Variants in GAS2 observed in about 807,000 individuals in gnomAD.
The protein encoded by GAS2 is growth arrest specific 2.
Under a neutral mutation model 37.5 loss-of-function variants are expected in GAS2, and 20 were observed. The ratio of observed to expected loss-of-function variants is 0.53; its 90% CI spans 0.37 to 0.77. The LOEUF (loss-of-function observed/expected upper bound fraction) is 0.77, where lower values mean the gene tolerates loss of function less well. GAS2 is among the 30% of genes least tolerant of loss of function. GAS2 has a pLI of 0.00. For synonymous variants in GAS2, 144 were observed against 132.2 expected (o/e 1.09, Z -0.61); for missense variants, 336 against 373.4 (o/e 0.90, Z 0.82).
At chr11:22,675,344 T>C (rs2279240) in intron 2 of GAS2, among the ~76,000 whole-genome samples, 94,997 of 152,016 alleles carry the variant, frequency 0.62, 30,887 homozygotes, top group East Asian at 0.83. Context: ...CTTTTGACAT[T>C]GTACACAGGC....
chr11:22,667,570 C>T (rs1290824019), intron 1 of GAS2, among the ~76,000 whole-genome samples: 1 of 152,122 alleles, frequency 6.6e-6, no homozygotes, highest in East Asian at 1.9e-4. Context: ...AAAGTTGAGA[C>T]TGGAATCTGA....
chr11:22,675,300 T>A (rs2133890323), intron 2 of GAS2, among the ~76,000 whole-genome samples: 1 of 152,314 alleles, frequency 6.6e-6, no homozygotes, highest in East Asian at 1.9e-4. Flanking sequence ...TATTTTTGGC[T>A]TTTCTTTCAT....
At chr11:22,695,038 G>A (rs980866818) in intron 3 of GAS2, among the ~76,000 whole-genome samples, 6 of 152,236 alleles carry the variant, frequency 3.9e-5, no homozygotes, top group African/African-American at 9.6e-5. Context: ...GTGTGGGTTC[G>A]GCTGGGTGCG....
At chr11:22,627,456 AG>A (rs1858678231) in intron 1 of GAS2, among the ~76,000 whole-genome samples, 2 of 152,264 alleles carry the variant, frequency 1.3e-5, no homozygotes, top group African/African-American at 4.8e-5. Flanking sequence ...GGGGATAGGA[AG>A]GTCTCTTTAA....
At chr11:22,776,809 T>C (rs752483743) in intron 7 of GAS2, among the ~76,000 whole-genome samples, 1 of 152,156 alleles carries the variant, frequency 6.6e-6, no homozygotes, top group East Asian at 1.9e-4. Flanking sequence ...ATTTATTAAA[T>C]GATGAGATTC....
At chr11:22,781,878 A>G (rs551580964) in intron 7 of GAS2, among the ~76,000 whole-genome samples, 1 of 152,316 alleles carries the variant, frequency 6.6e-6, no homozygotes, top group Non-Finnish European at 1.5e-5. Flanking sequence ...TTTTAGAAAG[A>G]CAATGGAACT....
intron 3 of GAS2, among the ~76,000 whole-genome samples, chr11:22,698,509 A>C (rs1850660616): frequency 6.6e-6 from 1 of 151,930 alleles, no homozygotes; most frequent in South Asian, 2.1e-4. Flanking sequence ...ATCCTCCCTA[A>C]CTCATTTTAT....
At chr11:22,774,863 C>T (rs915327355) in intron 7 of GAS2, among the ~76,000 whole-genome samples, 3 of 151,680 alleles carry the variant, frequency 2.0e-5, no homozygotes, top group Non-Finnish European at 4.4e-5. Context: ...AGAATAAGCA[C>T]ATGTTGGCTA....
intron 1 of GAS2, among the ~76,000 whole-genome samples, chr11:22,651,737 A>T (rs1021203576): frequency 1.3e-5 from 2 of 151,948 alleles, no homozygotes; most frequent in Admixed American, 6.6e-5. Flanking sequence ...TGCATTCTTC[A>T]TGTAGTTCTC....
intron 7 of GAS2, among the ~76,000 whole-genome samples, chr11:22,778,664 C>T (rs567582138): frequency 9.8e-5 from 15 of 152,306 alleles, no homozygotes; most frequent in Admixed American, 7.8e-4. Context: ...AGGAAATGCA[C>T]ACCTACAAAT....
At chr11:22,653,817 A>T (rs1377892052) in intron 1 of GAS2, among the ~76,000 whole-genome samples, 1 of 152,220 alleles carries the variant, frequency 6.6e-6, no homozygotes, top group Non-Finnish European at 1.5e-5. Context: ...TGATCAATAG[A>T]GCATAATAAA....
chr11:22,760,502 T>A (rs145787020), intron 7 of GAS2, among the ~76,000 whole-genome samples: 1 of 152,202 alleles, frequency 6.6e-6, no homozygotes, highest in Non-Finnish European at 1.5e-5. Flanking sequence ...AGGGATTCAG[T>A]GTACCAACAA....
chr11:22,805,200 T>C (rs1456275206), intron 7 of GAS2, among the ~76,000 whole-genome samples: 1 of 152,234 alleles, frequency 6.6e-6, no homozygotes, highest in East Asian at 1.9e-4. Context: ...AAAAAGAATT[T>C]ATATATGGGT....
intron 7 of GAS2, among the ~76,000 whole-genome samples, chr11:22,793,988 T>A (rs532961842): frequency 6.6e-6 from 1 of 152,242 alleles, no homozygotes; most frequent in East Asian, 1.9e-4. Flanking sequence ...GGGAATAAGA[T>A]CATTATTCAT....
chr11:22,678,169 GA>G (rs1439387778), intron 2 of GAS2, among the ~76,000 whole-genome samples: 2 of 152,092 alleles, frequency 1.3e-5, no homozygotes, highest in Non-Finnish European at 2.9e-5. Flanking sequence ...GGCAACTTGA[GA>G]AGTCTACTAA....
At chr11:22,792,127 C>T (rs1856195397) in intron 7 of GAS2, among the ~76,000 whole-genome samples, 1 of 152,120 alleles carries the variant, frequency 6.6e-6, no homozygotes, top group South Asian at 2.1e-4. Flanking sequence ...CTGAGGGATC[C>T]ACATAGCTGA....
intron 1 of GAS2, among the ~76,000 whole-genome samples, chr11:22,656,896 G>A (rs1021789976): frequency 1.5e-4 from 23 of 152,010 alleles, no homozygotes; most frequent in East Asian, 3.9e-4. Flanking sequence ...TATTTTACAC[G>A]TCATTTCTTT....
At chr11:22,631,921 G>A (rs1216297530) in intron 1 of GAS2, among the ~76,000 whole-genome samples, 6 of 146,194 alleles carry the variant, frequency 4.1e-5, no homozygotes, top group African/African-American at 1.5e-4. Context: ...CGTAAAATTT[G>A]GCTGTGAATC....
At chr11:22,661,051 A>G (rs781381053) in intron 1 of GAS2, among the ~76,000 whole-genome samples, 1 of 152,252 alleles carries the variant, frequency 6.6e-6, no homozygotes. Context: ...TTCTTCAACA[A>G]AGTAATCCTA....
Sources: gnomAD v4.1 joint callset for allele counts (sites outside exome capture counted in the v4.1 genomes callset) on GRCh38, gnomAD v4.1.1 for gene constraint, MANE v1.5 for transcripts, NCBI Gene and HGNC (gene_info 2026-07-23, HGNC 2026-07-21) for gene names.